GPC6: variants seen among roughly 807,000 people sequenced by gnomAD.
The protein encoded by GPC6 is glypican-6.
A neutral mutation model predicts 55.2 loss-of-function variants in GPC6; 14 were observed. The observed-to-expected ratio is 0.25, with a 90% CI of 0.17 to 0.40. The LOEUF is 0.40. Ranked by LOEUF, GPC6 falls within the 10% of genes least tolerant of loss-of-function variation. The pLI is 1.00. For missense variants in GPC6, 641 were observed against 708.5 expected (o/e 0.90, Z 1.08); for synonymous variants, 278 against 259.6 (o/e 1.07, Z -0.68).
intron 7 of GPC6, among the ~76,000 whole-genome samples, chr13:94,394,689 A>G (rs1880818903): frequency 6.6e-6 from 1 of 152,206 alleles, no homozygotes; most frequent in Non-Finnish European, 1.5e-5. Context: ...GAGTGACAAA[A>G]TGACCATTTT....
chr13:93,586,760 C>T (rs1877220708), intron 2 of GPC6, among the ~76,000 whole-genome samples: 1 of 152,118 alleles, frequency 6.6e-6, no homozygotes, highest in African/African-American at 2.4e-5. Flanking sequence ...AAGACCTTAT[C>T]ACAATACAAG....
At chr13:94,011,893 A>C (rs1282156781) in intron 3 of GPC6, among the ~76,000 whole-genome samples, 1 of 152,234 alleles carries the variant, frequency 6.6e-6, no homozygotes, top group Non-Finnish European at 1.5e-5. Context: ...CAGTGCCAGC[A>C]CATGGTGATA....
chr13:93,630,095 T>C (rs1879367916), intron 2 of GPC6, among the ~76,000 whole-genome samples: 1 of 152,224 alleles, frequency 6.6e-6, no homozygotes, highest in African/African-American at 2.4e-5. Context: ...GTTACTATCA[T>C]TACTATATGT....
intron 2 of GPC6, among the ~76,000 whole-genome samples, chr13:93,758,161 T>C (rs920498039): frequency 2.0e-5 from 3 of 152,198 alleles, no homozygotes; most frequent in African/African-American, 7.2e-5. Context: ...TGCATTGTTT[T>C]AGTTCAGTAG....
intron 4 of GPC6, among the ~76,000 whole-genome samples, chr13:94,228,697 A>G (rs919791451): frequency 3.3e-5 from 5 of 152,054 alleles, no homozygotes; most frequent in Admixed American, 3.3e-4. Flanking sequence ...GGCCTAAAGA[A>G]TATTCTCCAC....
intron 3 of GPC6, among the ~76,000 whole-genome samples, chr13:93,870,566 T>C (rs1889098659): frequency 6.6e-6 from 1 of 151,848 alleles, no homozygotes; most frequent in South Asian, 2.1e-4. Flanking sequence ...TAAATTCATA[T>C]GTTGAAGCCC....
intron 2 of GPC6, among the ~76,000 whole-genome samples, chr13:93,682,385 C>T (rs1881876927): frequency 6.6e-6 from 1 of 152,124 alleles, no homozygotes; most frequent in Admixed American, 6.6e-5. Flanking sequence ...ATGAGTGCGA[C>T]TGGACCCTTA....
intron 2 of GPC6, among the ~76,000 whole-genome samples, chr13:93,653,043 A>C (rs1005754382): frequency 2.0e-5 from 3 of 152,186 alleles, no homozygotes; most frequent in Non-Finnish European, 4.4e-5. Flanking sequence ...ACACATGTAT[A>C]CTACATATTG....
intron 1 of GPC6, among the ~76,000 whole-genome samples, chr13:93,367,420 T>G (rs1046344091): frequency 9.9e-5 from 15 of 152,258 alleles, no homozygotes; most frequent in Middle Eastern, 3.4e-3. Context: ...TCATTGATAA[T>G]TCTCTATTAC....
intron 4 of GPC6, among the ~76,000 whole-genome samples, chr13:94,079,569 G>A (rs1885035777): frequency 6.6e-6 from 1 of 152,156 alleles, no homozygotes; most frequent in Non-Finnish European, 1.5e-5. Context: ...ATGCAAAAAT[G>A]TTTCTGCGAG....
intron 2 of GPC6, among the ~76,000 whole-genome samples, chr13:93,671,599 A>G (rs1355598288): frequency 1.4e-5 from 2 of 139,622 alleles, no homozygotes; most frequent in Non-Finnish European, 3.3e-5. Context: ...TGGGTTTTTA[A>G]GGGTTTTTTA....
chr13:93,621,965 T>C (rs1878971253), intron 2 of GPC6, among the ~76,000 whole-genome samples: 1 of 152,124 alleles, frequency 6.6e-6, no homozygotes, highest in Non-Finnish European at 1.5e-5. Context: ...ATTCCTTCTA[T>C]CTAACTGTAT....
chr13:93,545,440 A>T lies in GPC6; in HGVS notation c.319+19A>T. 6.2e-7 allele frequency: 1 copy of T among 1,607,600 alleles called. No individual in the cohort carries two copies. Among genetic ancestry groups the T allele is most frequent in the East Asian group, 2.2e-5 (1 of 44,846 alleles). On this transcript the variant is annotated intron_variant, in intron 2 of 8. Coordinates refer to ENST00000377047, the MANE Select transcript of GPC6 (RefSeq NM_005708.5). ...TTTGACGGTAGGTGAAATGGTTTTC[A>T]CTTCAGTTTGTTATAGGTGCACTTT... is the stretch of plus-strand genomic sequence containing the variant.
chr13:93,359,948 A>G (rs554956354), intron 1 of GPC6, among the ~76,000 whole-genome samples: 1 of 152,320 alleles, frequency 6.6e-6, no homozygotes, highest in South Asian at 2.1e-4. Context: ...TCAGAATATA[A>G]GCTGTTATGC....
chr13:94,071,886 G>A (rs947824327), intron 4 of GPC6, among the ~76,000 whole-genome samples: 4 of 152,142 alleles, frequency 2.6e-5, no homozygotes, highest in African/African-American at 9.7e-5. Context: ...GACACCCAAA[G>A]TCTAATGACC....
At chr13:93,276,491 A>AGTGTGT (rs1400328820) in intron 1 of GPC6, among the ~76,000 whole-genome samples, 4 of 128,628 alleles carry the variant, frequency 3.1e-5, no homozygotes, top group African/African-American at 6.2e-5. Context: ...AGAGAGAGAG[A>AGTGTGT]GAGAGTGTGT....
chr13:93,560,623 A>G (rs1308022022), intron 2 of GPC6, among the ~76,000 whole-genome samples: 1 of 152,086 alleles, frequency 6.6e-6, no homozygotes, highest in Non-Finnish European at 1.5e-5. Context: ...TGAGAGGCCA[A>G]GGCGGGCGGA....
chr13:93,502,446 A>G (rs1342270853), intron 1 of GPC6, among the ~76,000 whole-genome samples: 1 of 152,138 alleles, frequency 6.6e-6, no homozygotes, highest in Non-Finnish European at 1.5e-5. Context: ...TTACATCTAT[A>G]CCCAACCTGT....
At chr13:94,034,817 G>A (rs2138730835) in intron 4 of GPC6, among the ~76,000 whole-genome samples, 1 of 151,912 alleles carries the variant, frequency 6.6e-6, no homozygotes, top group East Asian at 1.9e-4. Flanking sequence ...TTGGCACAAA[G>A]CAATGGTCTG....
Sources: gnomAD v4.1 joint callset for allele counts (sites outside exome capture counted in the v4.1 genomes callset) on GRCh38, gnomAD v4.1.1 for gene constraint, MANE v1.5 for transcripts, NCBI Gene and HGNC (gene_info 2026-07-23, HGNC 2026-07-21) for gene names.